The following ANKRD6 variants were observed in gnomAD, a reference collection of about 807,000 sequenced individuals.
ANKRD6 encodes ankyrin repeat domain-containing protein 6.
A neutral mutation model predicts 82.3 loss-of-function variants in ANKRD6; 56 were observed. That is an observed-to-expected ratio of 0.68 (90% CI 0.55 to 0.85). The LOEUF (loss-of-function observed/expected upper bound fraction) is 0.85, where lower values mean the gene tolerates loss of function less well. Ranked by LOEUF, ANKRD6 falls within the 40% of genes least tolerant of loss-of-function variation. ANKRD6 has a pLI of 0.00. For synonymous variants in ANKRD6, 347 were observed against 352.1 expected, an observed-to-expected ratio of 0.99 and a Z score of 0.16; for missense variants, 852 against 907.6, an observed-to-expected ratio of 0.94 and a Z score of 0.79.
chr6:89,575,220 G>A (rs998222649), intron 2 of ANKRD6, among the ~76,000 whole-genome samples: 1 of 152,170 alleles, frequency 6.6e-6, no homozygotes, highest in African/African-American at 2.4e-5. Context: ...GAAAGGGGAG[G>A]AGGGGAAGGT....
intron 1 of ANKRD6, among the ~76,000 whole-genome samples, chr6:89,468,702 C>T (rs944271062): frequency 5.9e-5 from 9 of 151,660 alleles, no homozygotes; most frequent in African/African-American, 1.5e-4. Context: ...TGGACACCTG[C>T]GGATAGCCCT....
At chr6:89,457,797 G>A (rs1582701324) in intron 1 of ANKRD6, among the ~76,000 whole-genome samples, 1 of 152,054 alleles carries the variant, frequency 6.6e-6, no homozygotes, top group East Asian at 1.9e-4. Flanking sequence ...TCAGTTTTTT[G>A]GTCTGCTGTA....
chr6:89,497,147 A>G (rs998626129), intron 1 of ANKRD6, among the ~76,000 whole-genome samples: 7 of 152,242 alleles, frequency 4.6e-5, no homozygotes, highest in African/African-American at 1.4e-4. Context: ...AGATTCTCCC[A>G]AAAGTTTAAA....
In ANKRD6 at chr6:89,616,356, GA is replaced by G. The variant is rs1340654176; in HGVS notation, c.616-200del. The G allele has an allele frequency of 2.1e-4, 123 of 576,262 alleles. 1 individual carries two copies. The highest frequency in any genetic ancestry group is 6.7e-4 in the Admixed American group (22 of 32,846). 35.7% of individuals were successfully genotyped at this position (576,262 alleles called of 1,614,324 possible). ...GATTTCAGGTATCCTCACTCAGAAAGAAAGGTGATATTGGTGCCGAGGTCAC... is the reference window on the plus strand; with the variant it reads ...GATTTCAGGTATCCTCACTCAGAAAGAAGGTGATATTGGTGCCGAGGTCAC... On this transcript the variant is annotated intron_variant, in intron 7 of 15. Coordinates refer to ENST00000339746, the MANE Select transcript of ANKRD6 (RefSeq NM_001242809.2).
At position 89,629,281 on chromosome 6, in the gene ANKRD6, A is replaced by T. The variant is rs759966561; in HGVS notation, c.1612+43A>T. 48 of 1,611,786 alleles carry T rather than the reference A, an allele frequency of 3.0e-5. No individual in the cohort carries two copies. The African/African-American group carries it at 5.9e-4, about 20-fold the overall frequency. On this transcript the variant is annotated intron_variant, in intron 15 of 15. Coordinates refer to ENST00000339746, the MANE Select transcript of ANKRD6 (RefSeq NM_001242809.2). ...AGCCCTTTTGTCCAAAAGGAACACG[A>T]CCAGCAGCTCTTGTACTCTCCTGCA...
intron 9 of ANKRD6, 101 bp from the exon 10 acceptor site, chr6:89,621,821 C>T: frequency 8.8e-7 from 1 of 1,131,026 alleles, no homozygotes; most frequent in Non-Finnish European, 1.3e-6. Context: ...ACCCTCTAAG[C>T]TGTAAATTCC....
At chr6:89,451,265 C>T (rs1479493694) in intron 1 of ANKRD6, among the ~76,000 whole-genome samples, 3 of 152,098 alleles carry the variant, frequency 2.0e-5, no homozygotes, top group Non-Finnish European at 4.4e-5. Flanking sequence ...GCTGAGATCA[C>T]GCCACTGCAC....
chr6:89,559,440 C>T (rs1787073101), intron 1 of ANKRD6, among the ~76,000 whole-genome samples: 1 of 152,196 alleles, frequency 6.6e-6, no homozygotes, highest in South Asian at 2.1e-4. Flanking sequence ...TTCCACAGTT[C>T]CTTATGCCCA....
At chr6:89,575,372 G>A (rs1419239398) in intron 2 of ANKRD6, among the ~76,000 whole-genome samples, 1 of 152,176 alleles carries the variant, frequency 6.6e-6, no homozygotes. Context: ...AGGAGGGCAG[G>A]AAGAGGTCAG....
chr6:89,572,699 T>TA (rs1452024557), intron 2 of ANKRD6, among the ~76,000 whole-genome samples: 1 of 152,208 alleles, frequency 6.6e-6, no homozygotes, highest in East Asian at 1.9e-4. Context: ...TTTTATATAG[T>TA]GTAAGGTAAG....
At chr6:89,515,389 TTGAATAC>T (rs1319133874) in intron 1 of ANKRD6, among the ~76,000 whole-genome samples, 1 of 152,252 alleles carries the variant, frequency 6.6e-6, no homozygotes, top group Non-Finnish European at 1.5e-5. Context: ...CTTCATGATC[TTGAATAC>T]TTAGGTTCTT....
chr6:89,630,575 C>A lies in ANKRD6; in HGVS notation c.1755C>A (p.Gly585=), dbSNP rs777497020. 2 of 1,613,918 alleles carry A rather than the reference C, an allele frequency of 1.2e-6. No individual in the cohort carries two copies. The highest frequency in any genetic ancestry group is 2.2e-5 in the East Asian group (1 of 44,882). ...QQELSSSDCT[G]SRLRNVKVQT... ...AGCTGTCGTCTTCTGACTGTACAGG[C>A]TCCCGACTGAGAAACGTCAAGGTCC... Residue 585 remains glycine (G), a synonymous_variant, in exon 16 of 16, where the codon GGC becomes GGA. Transcript: ENST00000339746.
intron 5 of ANKRD6, among the ~76,000 whole-genome samples, chr6:89,609,000 A>C (rs932270281): frequency 2.0e-5 from 3 of 152,134 alleles, no homozygotes; most frequent in African/African-American, 7.2e-5. Context: ...AGTGGGGCTC[A>C]CTGGCCTGCT....
At chr6:89,574,347 C>A (rs1408092898) in intron 2 of ANKRD6, among the ~76,000 whole-genome samples, 1 of 152,158 alleles carries the variant, frequency 6.6e-6, no homozygotes, top group Non-Finnish European at 1.5e-5. Flanking sequence ...TGACAGACAT[C>A]CCCTGAGGAA....
intron 9 of ANKRD6, among the ~76,000 whole-genome samples, chr6:89,618,990 C>G (rs1450147808): frequency 6.6e-6 from 1 of 152,198 alleles, no homozygotes; most frequent in Admixed American, 6.5e-5. Flanking sequence ...ATTTTGAACA[C>G]AACCCTGCTG....
rs771416851 is a variant in ANKRD6 at position 89,630,588 on chromosome 6, A to G, written c.1768A>G (p.Asn590Asp). The change falls in exon 16 of 16, where the codon AAC becomes GAC. Residue 590 changes from asparagine to aspartate, a missense_variant. Coordinates refer to ENST00000339746, the MANE Select transcript of ANKRD6 (RefSeq NM_001242809.2). ...TGACTGTACAGGCTCCCGACTGAGAAACGTCAAGGTCCAGACAGCCTTGCT... is the reference window on the plus strand; with the variant it reads ...TGACTGTACAGGCTCCCGACTGAGAGACGTCAAGGTCCAGACAGCCTTGCT... The part of the protein sequence containing the change: ...SSDCTGSRLR[N>D]VKVQTALLPM... 6.2e-7 allele frequency: 1 copy of G among 1,613,932 alleles called. No homozygotes were observed. The highest frequency in any genetic ancestry group is 1.1e-5 in the South Asian group (1 of 91,066).
At chr6:89,562,520 G>T (rs1353582234) in intron 1 of ANKRD6, 2 of 152,168 alleles carry the variant, frequency 1.3e-5, no homozygotes, top group African/African-American at 4.8e-5. Context: ...TGTCATCTGA[G>T]CGTCATTCAG....
At chr6:89,612,771 A>G (rs1260454939) in intron 6 of ANKRD6, among the ~76,000 whole-genome samples, 1 of 152,228 alleles carries the variant, frequency 6.6e-6, no homozygotes, top group Non-Finnish European at 1.5e-5. Flanking sequence ...CTAATGCCCC[A>G]TGCCCAGCAT....
At chr6:89,548,774 T>C (rs1785432940) in intron 1 of ANKRD6, among the ~76,000 whole-genome samples, 1 of 152,212 alleles carries the variant, frequency 6.6e-6, no homozygotes, top group East Asian at 1.9e-4. Context: ...TGGCGACCAG[T>C]GTTAGCAAAT....
Sources: allele counts gnomAD v4.1 joint callset (sites outside exome capture counted in the v4.1 genomes callset), GRCh38; gene constraint gnomAD v4.1.1; transcripts MANE v1.5; gene names NCBI Gene and HGNC (gene_info 2026-07-23, HGNC 2026-07-21).